Variants in DIP2C observed in about 807,000 individuals in gnomAD.
DIP2C encodes the protein disco-interacting protein 2 homolog C.
Under a neutral mutation model 192.4 loss-of-function variants are expected in DIP2C, and 33 were observed. That is an observed-to-expected ratio of 0.17 (90% CI 0.13 to 0.23). The LOEUF is 0.23. DIP2C is among the 10% of genes least tolerant of loss of function. The pLI is 1.00. For synonymous variants in DIP2C, 979 were observed against 864.1 expected, an observed-to-expected ratio of 1.13 and a Z score of -2.33; for missense variants, 1,537 against 2,110.1, an observed-to-expected ratio of 0.73 and a Z score of 5.32.
intron 1 of DIP2C, among the ~76,000 whole-genome samples, chr10:676,328 G>A (rs972201844): frequency 1.3e-5 from 2 of 152,058 alleles, no homozygotes; most frequent in Admixed American, 1.3e-4. Flanking sequence ...GAAACACTAA[G>A]CTTTTTCTCT....
intron 10 of DIP2C, among the ~76,000 whole-genome samples, chr10:395,549 CTATCCCATGACCACTGGTTGGCACAG>C (rs1963921096): frequency 6.6e-6 from 1 of 152,240 alleles, no homozygotes; most frequent in African/African-American, 2.4e-5. Flanking sequence ...CCCTAGCATT[CTATCCCATGACCACTGGTTGGCACAG>C]TAAAGGTTTC....
chr10:277,656 G>A, intron 36 of DIP2C, 79 bp from the exon 37 acceptor site: 1 of 1,553,318 alleles, frequency 6.4e-7, no homozygotes, highest in Non-Finnish European at 8.7e-7. Context: ...AGTTCCACTT[G>A]GCTCTCTCTG....
At chr10:383,794 G>T (rs1238205680) in intron 16 of DIP2C, among the ~76,000 whole-genome samples, 1 of 152,070 alleles carries the variant, frequency 6.6e-6, no homozygotes, top group African/African-American at 2.4e-5. Context: ...GTCTACAAAT[G>T]CCTGTCCTTA....
At chr10:474,141 A>G (rs1407405545) in intron 2 of DIP2C, among the ~76,000 whole-genome samples, 1 of 152,218 alleles carries the variant, frequency 6.6e-6, no homozygotes, top group South Asian at 2.1e-4. Flanking sequence ...TTAGGAAATC[A>G]AAGAGTATTA....
At chr10:358,011 A>G in intron 22 of DIP2C, 74 bp from the exon 23 acceptor site, 1 of 1,147,022 alleles carries the variant, frequency 8.7e-7, no homozygotes, top group Non-Finnish European at 1.3e-6. Context: ...CCACTTTGGT[A>G]AAGACCTTAC....
intron 17 of DIP2C, among the ~76,000 whole-genome samples, chr10:372,093 T>G (rs1302376186): frequency 1.4e-5 from 2 of 138,054 alleles, no homozygotes; most frequent in African/African-American, 2.9e-5. Context: ...TTTTTTTTTT[T>G]GAGACACAGT....
chr10:605,605 G>A (rs1237610228), intron 1 of DIP2C, among the ~76,000 whole-genome samples: 1 of 152,048 alleles, frequency 6.6e-6, no homozygotes, highest in East Asian at 1.9e-4. Context: ...CAGCAAACCA[G>A]GGCCCCAATA....
At chr10:416,952 A>G (rs1009108745) in intron 6 of DIP2C, among the ~76,000 whole-genome samples, 12 of 152,366 alleles carry the variant, frequency 7.9e-5, no homozygotes, top group African/African-American at 2.9e-4. Context: ...TGCGGGGAAT[A>G]GAACAGAATT....
intron 4 of DIP2C, among the ~76,000 whole-genome samples, chr10:439,365 T>TCC (rs1191489090): frequency 5.3e-5 from 8 of 152,168 alleles, no homozygotes; most frequent in Admixed American, 2.0e-4. Flanking sequence ...CGGCGTTCAC[T>TCC]CTCTTGCCCG....
chr10:580,091 G>A lies in DIP2C; in HGVS notation c.86-93561C>T, dbSNP rs180961107. Among the ~76,000 whole-genome samples, 38 of 152,144 alleles carry A rather than the reference G, an allele frequency of 2.5e-4. No homozygotes were observed. In the East Asian group the frequency reaches 3.7e-3, roughly 15 times the overall value. ...ATGTACATGCATATAGCATACACAT[G>A]CACATTTGTATGTACATAGGTATAA... On this transcript the variant is annotated intron_variant, in intron 1 of 36. Coordinates refer to ENST00000280886, the MANE Select transcript of DIP2C (RefSeq NM_014974.3).
At chr10:463,396 T>C (rs1969948755) in intron 3 of DIP2C, among the ~76,000 whole-genome samples, 1 of 152,104 alleles carries the variant, frequency 6.6e-6, no homozygotes, top group East Asian at 1.9e-4. Flanking sequence ...CCATTCACAA[T>C]TGCTACAAAG....
chr10:531,510 T>C (rs1463101722), intron 1 of DIP2C, among the ~76,000 whole-genome samples: 5 of 152,184 alleles, frequency 3.3e-5, no homozygotes, highest in South Asian at 4.1e-4. Context: ...CGAGGTATCA[T>C]ACGTGCCGTT....
rs529106900 is a variant in DIP2C, at chr10:473,431, C to A, written c.158-882G>T. On this transcript the variant is annotated intron_variant, in intron 2 of 36. Coordinates refer to ENST00000280886, the MANE Select transcript of DIP2C (RefSeq NM_014974.3). The stretch of plus-strand genomic sequence containing the variant: ...CACAGTTCCGTGAACGGCTCTGATA[C>A]CACAGAAAGGACGTCATCCTATGTC... 5.7e-4 allele frequency among the ~76,000 whole-genome samples: 87 copies of A among 151,694 alleles called. 2 individuals are homozygous for A. Among genetic ancestry groups the A allele is most frequent in the African/African-American group, 1.9e-3 (78 of 41,054 alleles).
chr10:417,267 C>T (rs1294884749), intron 6 of DIP2C, among the ~76,000 whole-genome samples: 1 of 152,128 alleles, frequency 6.6e-6, no homozygotes, highest in East Asian at 1.9e-4. Context: ...ATCACCCTCC[C>T]AGCAAGGGCC....
chr10:280,945 T>A (rs1401672488), intron 36 of DIP2C, among the ~76,000 whole-genome samples: 1 of 152,138 alleles, frequency 6.6e-6, no homozygotes, highest in Admixed American at 6.6e-5. Flanking sequence ...TTTGGCTTCC[T>A]GGAAAATGTT....
At chr10:430,627 G>A (rs984824214) in intron 4 of DIP2C, 12 of 152,168 alleles carry the variant, frequency 7.9e-5, no homozygotes, top group Non-Finnish European at 1.8e-4. Context: ...TCTGTGGCTT[G>A]TATTTTAATT....
chr10:476,981 C>T (rs1843080286), intron 2 of DIP2C, among the ~76,000 whole-genome samples: 1 of 148,630 alleles, frequency 6.7e-6, no homozygotes, highest in African/African-American at 2.5e-5. Context: ...ATTCTGAACC[C>T]TCAGGGCTCC....
intron 26 of DIP2C, among the ~76,000 whole-genome samples, chr10:348,194 G>A (rs904733423): frequency 2.0e-5 from 3 of 152,224 alleles, no homozygotes; most frequent in African/African-American, 7.2e-5. Context: ...CTTCAACGAG[G>A]AAAATATAGC....
chr10:397,808 C>G (rs1250157079), intron 10 of DIP2C, among the ~76,000 whole-genome samples: 1 of 151,798 alleles, frequency 6.6e-6, no homozygotes, highest in Non-Finnish European at 1.5e-5. Context: ...TTCTAAGCCC[C>G]TCAACCAACT....
Sources: gnomAD v4.1 joint callset for allele counts (sites outside exome capture counted in the v4.1 genomes callset) on GRCh38, gnomAD v4.1.1 for gene constraint, MANE v1.5 for transcripts, NCBI Gene and HGNC (gene_info 2026-07-23, HGNC 2026-07-21) for gene names.